The following CELF2 variants were observed in gnomAD, a reference collection of about 807,000 sequenced individuals.
CELF2 encodes CUGBP Elav-like family member 2, also known as CUG triplet repeat RNA-binding protein 2.
In CELF2, 8 loss-of-function variants were observed where a neutral mutation model predicts 62.6. The observed-to-expected ratio is 0.13, with a 90% CI of 0.07 to 0.23. The LOEUF (loss-of-function observed/expected upper bound fraction) is 0.23, where lower values mean the gene tolerates loss of function less well. CELF2 is among the 10% of genes least tolerant of loss of function. The pLI is 1.00. For synonymous variants in CELF2, 258 were observed against 250.0 expected, an observed-to-expected ratio of 1.03 and a Z score of -0.30; for missense variants, 333 against 671.0, an observed-to-expected ratio of 0.50 and a Z score of 5.56.
intron 1 of CELF2, among the ~76,000 whole-genome samples, chr10:10,827,970 C>A (rs1384633750): frequency 7.5e-6 from 1 of 133,908 alleles, no homozygotes; most frequent in Non-Finnish European, 1.6e-5. Flanking sequence ...CTGCAAGATA[C>A]CACATCATAC....
the CELF2 span, among the ~76,000 whole-genome samples, chr10:10,579,809 A>G: frequency 6.6e-6 from 1 of 152,060 alleles, no homozygotes; most frequent in Admixed American, 6.6e-5. Flanking sequence ...AAAGAAACAA[A>G]ATTGTTTTTC....
intron 1 of CELF2, among the ~76,000 whole-genome samples, chr10:11,067,897 TAAAAC>T (rs1056117703): frequency 3.3e-5 from 5 of 152,190 alleles, no homozygotes; most frequent in African/African-American, 9.6e-5. Flanking sequence ...TTTTGAGAAT[TAAAAC>T]AGAACATTGA....
chr10:10,607,744 AG>A, the CELF2 span, among the ~76,000 whole-genome samples: 18 of 152,344 alleles, frequency 1.2e-4, no homozygotes, highest in African/African-American at 4.3e-4. Flanking sequence ...ATGAGAATCC[AG>A]GCATTAAAGC....
At chr10:11,026,827 A>C (rs752722696) in intron 1 of CELF2, among the ~76,000 whole-genome samples, 6 of 152,184 alleles carry the variant, frequency 3.9e-5, no homozygotes, top group Non-Finnish European at 8.8e-5. Context: ...CCAAATACCT[A>C]GCTCATCACT....
chr10:11,292,741 C>T (rs60805522), intron 9 of CELF2, among the ~76,000 whole-genome samples: 8,594 of 152,198 alleles, frequency 0.056, 374 homozygotes, highest in African/African-American at 0.12. Context: ...TTAAACTTGC[C>T]CCACAGACCT....
chr10:11,141,838 G>A (rs1441836501), intron 1 of CELF2, among the ~76,000 whole-genome samples: 1 of 152,206 alleles, frequency 6.6e-6, no homozygotes, highest in Non-Finnish European at 1.5e-5. Flanking sequence ...TGTTTCAATA[G>A]CGTGCACAGT....
chr10:11,101,597 G>A (rs1458064252), intron 1 of CELF2, among the ~76,000 whole-genome samples: 1 of 152,220 alleles, frequency 6.6e-6, no homozygotes, highest in Non-Finnish European at 1.5e-5. Flanking sequence ...GGTACAGTCA[G>A]ATATTGGCAA....
chr10:10,912,512 G>A (rs1454811255), intron 1 of CELF2, among the ~76,000 whole-genome samples: 1 of 152,110 alleles, frequency 6.6e-6, no homozygotes, highest in Non-Finnish European at 1.5e-5. Context: ...TGGGACTACA[G>A]GCATGCACCA....
chr10:10,742,954 T>C, the CELF2 span, among the ~76,000 whole-genome samples: 2 of 152,266 alleles, frequency 1.3e-5, no homozygotes, highest in South Asian at 4.1e-4. Flanking sequence ...ATTTTGTAAG[T>C]TACATATAGG....
At chr10:11,327,237 G>A (rs2095797320) in intron 12 of CELF2, among the ~76,000 whole-genome samples, 1 of 151,992 alleles carries the variant, frequency 6.6e-6, no homozygotes, top group Non-Finnish European at 1.5e-5. Context: ...ACTTTAGGGA[G>A]GCTTCCCTAC....
At chr10:11,257,893 GC>G (rs1474896895) in intron 5 of CELF2, 21 bp downstream of exon 5, 1 of 1,613,592 alleles carries the variant, frequency 6.2e-7, no homozygotes, top group Admixed American at 1.7e-5. Context: ...TGTCTGGAAA[GC>G]CTCTCCCCTT....
intron 1 of CELF2, among the ~76,000 whole-genome samples, chr10:11,022,920 C>T (rs529316042): frequency 5.3e-5 from 8 of 152,234 alleles, no homozygotes; most frequent in African/African-American, 1.9e-4. Context: ...ATAAGCATTC[C>T]GTATCTAATT....
At chr10:10,687,683 A>T in the CELF2 span, among the ~76,000 whole-genome samples, 43,165 of 152,104 alleles carry the variant, frequency 0.28, 6,320 homozygotes, top group South Asian at 0.47. Flanking sequence ...AAATCATTAT[A>T]AGCATGAAAA....
At chr10:10,494,162 G>A in the CELF2 span, among the ~76,000 whole-genome samples, 1 of 152,208 alleles carries the variant, frequency 6.6e-6, no homozygotes, top group Non-Finnish European at 1.5e-5. Flanking sequence ...ATACATTTCA[G>A]CCTGAACCAT....
chr10:10,642,101 A>G, the CELF2 span, among the ~76,000 whole-genome samples: 2 of 152,214 alleles, frequency 1.3e-5, no homozygotes, highest in Non-Finnish European at 2.9e-5. Context: ...ATCATGGGGG[A>G]AAGGAAGACA....
intron 1 of CELF2, among the ~76,000 whole-genome samples, chr10:11,058,426 C>A (rs1350818203): frequency 6.7e-6 from 1 of 148,588 alleles, no homozygotes; most frequent in African/African-American, 2.5e-5. Context: ...CCTATAAAAG[C>A]AAATTAGGTG....
intron 2 of CELF2, among the ~76,000 whole-genome samples, chr10:11,170,734 T>C (rs1565067094): frequency 6.6e-6 from 1 of 152,032 alleles, no homozygotes; most frequent in Admixed American, 6.5e-5. Context: ...TTGGCAGATA[T>C]GGAAAGTGTG....
chr10:10,604,908 A>G, the CELF2 span, among the ~76,000 whole-genome samples: 1 of 152,174 alleles, frequency 6.6e-6, no homozygotes, highest in African/African-American at 2.4e-5. Context: ...TGACCCAACA[A>G]TCCCATTACT....
intron 2 of CELF2, among the ~76,000 whole-genome samples, chr10:10,979,672 CA>C (rs35482385): frequency 0.041 from 2,855 of 68,910 alleles, 31 homozygotes; most frequent in Admixed American, 0.056. Context: ...CCTTGTCTCT[CA>C]AAAAAAAAAA....
Sources: gnomAD v4.1 joint callset for allele counts (sites outside exome capture counted in the v4.1 genomes callset) on GRCh38, gnomAD v4.1.1 for gene constraint, MANE v1.5 for transcripts, NCBI Gene and HGNC (gene_info 2026-07-23, HGNC 2026-07-21) for gene names.